HDLBP: variants seen among roughly 807,000 people sequenced by gnomAD.
HDLBP encodes the protein high density lipoprotein binding protein.
HDLBP carries 30 observed loss-of-function variants against 137.3 expected under a neutral mutation model. The ratio of observed to expected loss-of-function variants is 0.22; its 90% confidence interval spans 0.16 to 0.30. The LOEUF (loss-of-function observed/expected upper bound fraction) is 0.30, where lower values mean the gene tolerates loss of function less well. Ranked by LOEUF, HDLBP falls within the 10% of genes least tolerant of loss-of-function variation. HDLBP has a pLI of 1.00. For synonymous variants in HDLBP, 606 were observed against 596.0 expected (o/e 1.02, Z -0.24); for missense variants, 1,119 against 1,667.3 (o/e 0.67, Z 5.73).
chr2:241,257,301 T>C (rs927496253), intron 5 of HDLBP, among the ~76,000 whole-genome samples: 2 of 152,244 alleles, frequency 1.3e-5, no homozygotes, highest in African/African-American at 4.8e-5. Flanking sequence ...GGTGCCATCT[T>C]GGCTCACTGT....
chr2:241,315,202 C>G (rs2076001490), intron 1 of HDLBP: 1 of 152,174 alleles, frequency 6.6e-6, no homozygotes, highest in African/African-American at 2.4e-5. Context: ...GGCCACGTCC[C>G]CGGGGAGGGA....
intron 2 of HDLBP, among the ~76,000 whole-genome samples, chr2:241,267,411 TC>T (rs1297227216): frequency 6.6e-6 from 1 of 151,920 alleles, no homozygotes; most frequent in Admixed American, 6.6e-5. Flanking sequence ...CATCCATTTC[TC>T]CACCCCAGGG....
chr2:241,311,754 A>G (rs1035252976), intron 1 of HDLBP, among the ~76,000 whole-genome samples: 1 of 152,264 alleles, frequency 6.6e-6, no homozygotes, highest in South Asian at 2.1e-4. Context: ...CAATCCTATT[A>G]TACCACTTCG....
chr2:241,273,486 C>A, intron 1 of HDLBP: 2 of 633,346 alleles, frequency 3.2e-6, no homozygotes, highest in Non-Finnish European at 2.0e-6. Flanking sequence ...CTGGGCGGAA[C>A]GGAATCCCTA....
intron 1 of HDLBP, among the ~76,000 whole-genome samples, chr2:241,283,355 T>C (rs750658520): frequency 1.2e-4 from 18 of 152,192 alleles, no homozygotes; most frequent in Non-Finnish European, 5.9e-5. Flanking sequence ...CAGTGAGTTA[T>C]GAAGATTTAG....
intron 14 of HDLBP, chr2:241,247,528 C>T (rs1048681092): frequency 1.4e-5 from 4 of 284,538 alleles, no homozygotes; most frequent in African/African-American, 8.6e-5. Flanking sequence ...TCTCCCAGGG[C>T]AGCCATCAGC....
chr2:241,229,504 T>G lies in HDLBP; in HGVS notation c.*97A>C. On this transcript the variant is annotated 3_prime_UTR_variant, in exon 28 of 28. Transcript: ENST00000310931. Reference sequence around the variant, plus strand: ...CGGGAAGGGGGAAGAGCGTCAACAATTTACGGAGGGTCCAGCCGCTGGGTC... The same window carrying G: ...CGGGAAGGGGGAAGAGCGTCAACAAGTTACGGAGGGTCCAGCCGCTGGGTC... 3.4e-6 allele frequency: 3 copies of G among 880,356 alleles called. No homozygotes were observed. The highest frequency in any genetic ancestry group is 3.6e-6 in the Non-Finnish European group (2 of 557,438). The allele number at this position is 880,356 out of a possible 1,614,324, so 54.5% of individuals were successfully genotyped here.
intron 1 of HDLBP, among the ~76,000 whole-genome samples, chr2:241,273,912 G>A (rs1269311627): frequency 6.6e-6 from 1 of 151,860 alleles, no homozygotes; most frequent in African/African-American, 2.4e-5. Context: ...GGCAGGGGAG[G>A]CCTACTATAG....
In HDLBP at chr2:241,233,717, G is replaced by T; in HGVS notation, c.3288+103C>A. The T allele has an allele frequency of 1.6e-6, 2 of 1,280,674 alleles. No individual in the cohort carries two copies. The highest frequency in any genetic ancestry group is 1.4e-5 in the South Asian group (1 of 73,738). 79.3% of individuals were successfully genotyped at this position (1,280,674 alleles called of 1,614,324 possible). A position where few individuals can be genotyped will look rare whatever the true frequency, so the allele number is the denominator to read the frequency against. On this transcript the variant is annotated intron_variant, in intron 24 of 27. Coordinates refer to ENST00000310931, the MANE Select transcript of HDLBP (RefSeq NM_005336.6). The surrounding 1 kb of genome is among the most constrained non-coding windows in gnomAD (Gnocchi z 4.3). ...CTGAGAGACTTGCCACTCTCAACTTGGCCCTCGAACCCCCATCTAGGCACA... is the reference window on the plus strand; with the variant it reads ...CTGAGAGACTTGCCACTCTCAACTTTGCCCTCGAACCCCCATCTAGGCACA...
At chr2:241,265,965 T>C (rs961814952) in intron 3 of HDLBP, among the ~76,000 whole-genome samples, 3 of 152,176 alleles carry the variant, frequency 2.0e-5, no homozygotes, top group African/African-American at 7.2e-5. Flanking sequence ...GTGGCTAGTG[T>C]GACTAAGGAA....
chr2:241,279,900 A>G, intron 1 of HDLBP: 1 of 985,124 alleles, frequency 1.0e-6, no homozygotes, highest in Non-Finnish European at 1.2e-6. Flanking sequence ...ACAGAGGTAT[A>G]CAATTTATGC....
In HDLBP at chr2:241,231,031, A is replaced by G. The variant is rs2069679458; in HGVS notation, c.3289-87T>C. ...GAGCCGGCCCCCACTGCTGAGGAAA[A>G]CAGCTCAGGAGAGAAGATGGAAAGC... On this transcript the variant is annotated intron_variant, in intron 24 of 27. Coordinates refer to ENST00000310931, the MANE Select transcript of HDLBP (RefSeq NM_005336.6). 3 of 1,153,982 alleles carry G rather than the reference A, an allele frequency of 2.6e-6. 1 individual carries two copies. The African/African-American group carries it at 4.5e-5, about 17-fold the overall frequency. 71.5% of individuals were successfully genotyped at this position (1,153,982 alleles called of 1,614,324 possible). A position where few individuals can be genotyped will look rare whatever the true frequency, so the allele number is the denominator to read the frequency against.
intron 8 of HDLBP, 99 bp downstream of exon 8, chr2:241,255,275 C>T: frequency 7.1e-7 from 1 of 1,416,818 alleles, no homozygotes; most frequent in Non-Finnish European, 1.0e-6. Context: ...GGCACCTGCA[C>T]TGTGTCCAGG....
chr2:241,267,044 T>C, intron 2 of HDLBP, 138 bp from the exon 3 acceptor site: 1 of 644,544 alleles, frequency 1.6e-6, no homozygotes, highest in Non-Finnish European at 2.7e-6. Flanking sequence ...TCACAACCTC[T>C]GATGTAAGCT....
Position 241,233,725 on chromosome 2 carries a change from A to G in HDLBP, c.3288+95T>C, listed in dbSNP as rs973787181. 7 of 1,424,310 alleles carry G rather than the reference A, an allele frequency of 4.9e-6. No homozygotes were observed. In the African/African-American group the frequency reaches 9.9e-5, roughly 20 times the overall value. The allele number at this position is 1,424,310 out of a possible 1,614,324, so 88.2% of individuals were successfully genotyped here. A position where few individuals can be genotyped will look rare whatever the true frequency, so the allele number is the denominator to read the frequency against. ...CTTGCCACTCTCAACTTGGCCCTCG[A>G]ACCCCCATCTAGGCACATCTGGTTA... On this transcript the variant is annotated intron_variant, in intron 24 of 27. Coordinates refer to ENST00000310931, the MANE Select transcript of HDLBP (RefSeq NM_005336.6). This position sits in a 1 kb window ranked among gnomAD's most constrained non-coding sequence, Gnocchi z 4.3.
chr2:241,298,330 C>G (rs2075261791), intron 1 of HDLBP, among the ~76,000 whole-genome samples: 1 of 151,908 alleles, frequency 6.6e-6, no homozygotes, highest in Non-Finnish European at 1.5e-5. Context: ...GGCGCCATTG[C>G]ACTCCTGCCT....
In HDLBP at chr2:241,256,278, G is replaced by T. The variant is rs201285919; in HGVS notation, c.779C>A (p.Pro260Gln). Residue 260 changes from proline (P) to glutamine (Q), a missense_variant, in exon 7 of 28, where the codon CCA becomes CAA. Pro to Gln is a moderately conservative substitution (Grantham distance 76). Coordinates refer to ENST00000310931, the MANE Select transcript of HDLBP (RefSeq NM_005336.6). ...AATCTCTGTCCGGTTCACGCTGGGT[G>T]GGGGGATGTTGATGCGCGTGCCTGT... ...QETGTRINIP[P>Q]PSVNRTEIVF... 2 of 1,614,070 alleles carry T rather than the reference G, an allele frequency of 1.2e-6. No individual in the cohort carries two copies. Among genetic ancestry groups the T allele is most frequent in the South Asian group, 1.1e-5 (1 of 91,074 alleles).
At chr2:241,291,547 A>G (rs551913784) in intron 1 of HDLBP, among the ~76,000 whole-genome samples, 2 of 152,352 alleles carry the variant, frequency 1.3e-5, no homozygotes, top group East Asian at 3.9e-4. Flanking sequence ...CTAAACACTG[A>G]TAAAGGAAAG....
chr2:241,278,566 G>A (rs1436364805), intron 1 of HDLBP, among the ~76,000 whole-genome samples: 2 of 150,172 alleles, frequency 1.3e-5, no homozygotes, highest in African/African-American at 4.9e-5. Flanking sequence ...CTGGGCAACA[G>A]AGCAAGACTC....
Sources: gnomAD v4.1 joint callset for allele counts (sites outside exome capture counted in the v4.1 genomes callset) on GRCh38, gnomAD v4.1.1 for gene constraint, Gnocchi (gnomAD v3.1) non-coding constraint, MANE v1.5 for transcripts, NCBI Gene and HGNC (gene_info 2026-07-23, HGNC 2026-07-21) for gene names.